CNPY2: variants seen among roughly 807,000 people sequenced by gnomAD.
CNPY2 encodes protein canopy homolog 2.
CNPY2 carries 19 observed loss-of-function variants against 25.5 expected under a neutral mutation model. The ratio of observed to expected loss-of-function variants is 0.74; its 90% CI spans 0.52 to 1.09. CNPY2 has a LOEUF of 1.09. Among genes scored for constraint, CNPY2 ranks in the 50% least tolerant of loss-of-function variants. The pLI, the probability that CNPY2 is intolerant of heterozygous loss-of-function variation, is 0.00. For missense variants in CNPY2, 214 were observed against 233.6 expected, an observed-to-expected ratio of 0.92 and a Z score of 0.55; for synonymous variants, 82 against 85.0, an observed-to-expected ratio of 0.96 and a Z score of 0.19.
intron 3 of CNPY2, chr12:56,314,586 C>A: frequency 7.5e-7 from 1 of 1,334,682 alleles, no homozygotes; most frequent in African/African-American, 1.5e-5. Flanking sequence ...ACATTAAAAA[C>A]CAGTCATGTG....
Position 56,311,291 on chromosome 12 carries a change from C to T in CNPY2, c.328G>A (p.Gly110Ser), listed in dbSNP as rs1336911997. The part of the protein sequence containing the change: ...THRKNYVRVV[G>S]RNGESSELDL... Reference sequence around the variant, plus strand: ...AGTTCACTGGATTCTCCATTCCGGCCCACTACACGTACGTAGTTCTTGCGA... The same window carrying T: ...AGTTCACTGGATTCTCCATTCCGGCTCACTACACGTACGTAGTTCTTGCGA... The change falls in exon 4 of 6, where the codon GGC (glycine) becomes AGC (serine). Residue 110 changes from glycine to serine, a missense_variant. By Grantham distance (56) the Gly-to-Ser change is moderately conservative. Coordinates refer to ENST00000273308, the MANE Select transcript of CNPY2 (RefSeq NM_014255.7). 1 of 1,614,124 alleles carries T rather than the reference C, an allele frequency of 6.2e-7. No homozygotes were observed. The highest frequency in any genetic ancestry group is 1.7e-5 in the Admixed American group (1 of 60,014).
chr12:56,315,151 T>G lies in CNPY2; in HGVS notation c.67A>C (p.Ser23Arg). The stretch of plus-strand genomic sequence containing the variant: ...TTACCTCCACAGTGGAGATCCTGGC[T>G]CCTCCGAGCCCAGGCGGTTCCCAGC... ...ALLGTAWARR[S>R]QDLHCGACRA... Residue 23 changes from serine (S) to arginine (R), a missense_variant, in exon 2 of 6, where the codon AGC (serine) becomes CGC (arginine). By Grantham distance (110) the Ser-to-Arg change is moderately radical. Transcript: ENST00000273308. The G allele has an allele frequency of 1.2e-6, 2 of 1,614,042 alleles. No homozygotes were observed.
Position 56,311,251 on chromosome 12 carries a change from A to G in CNPY2, c.368T>C (p.Ile123Thr), listed in dbSNP as rs201509620. 5.1e-5 allele frequency: 82 copies of G among 1,614,168 alleles called. 1 individual carries two copies. The East Asian group carries it at 1.8e-3, about 36-fold the overall frequency. Residue 123 changes from isoleucine to threonine, a missense_variant, in exon 4 of 6, where the codon ATC becomes ACC. Transcript: ENST00000273308. ...GESSELDLQGIRIDSDISGTL... is the reference protein window; with the variant it reads ...GESSELDLQGTRIDSDISGTL... ...GCCGCTAATATCTGAGTCGATTCGG[A>G]TGCCTTGTAGGTCCAGTTCACTGGA...
At position 56,310,355 on chromosome 12, in the gene CNPY2, C is replaced by T; in HGVS notation, c.*197G>A. On this transcript the variant is annotated 3_prime_UTR_variant, in exon 6 of 6. Coordinates refer to ENST00000273308, the MANE Select transcript of CNPY2 (RefSeq NM_014255.7). ...AAAACTCTTCTTTCTCCTCCATTAT[C>T]TTTCCTGTCTATATAACTCCTTATC... The T allele has an allele frequency of 1.6e-6, 1 of 614,690 alleles. No homozygotes were observed. The highest frequency in any genetic ancestry group is 2.0e-5 in the South Asian group (1 of 49,750). 38.1% of individuals were successfully genotyped at this position (614,690 alleles called of 1,614,324 possible).
In CNPY2 at chr12:56,309,861, T is replaced by C; in HGVS notation, c.*691A>G. On this transcript the variant is annotated 3_prime_UTR_variant, in exon 6 of 6. Transcript: ENST00000273308. The stretch of plus-strand genomic sequence containing the variant: ...ACAATGGCTAGTGATAGATACACTT[T>C]ATTGTTGCCACTGGCATCAAATTTA... The C allele has an allele frequency of 4.3e-6, 3 of 701,210 alleles. No individual in the cohort carries two copies. The highest frequency in any genetic ancestry group is 7.8e-6 in the Non-Finnish European group (3 of 384,342). 43.4% of individuals were successfully genotyped at this position (701,210 alleles called of 1,614,324 possible). A position where few individuals can be genotyped will look rare whatever the true frequency, so the allele number is the denominator to read the frequency against.
intron 3 of CNPY2, 36 bp downstream of exon 3, chr12:56,314,814 AG>A: frequency 6.2e-7 from 1 of 1,614,224 alleles, no homozygotes. Flanking sequence ...CCAAAGCCAG[AG>A]TGAGCTACTT....
chr12:56,314,198 T>C (rs564527525), intron 3 of CNPY2, among the ~76,000 whole-genome samples: 2 of 151,920 alleles, frequency 1.3e-5, no homozygotes, highest in Non-Finnish European at 2.9e-5. Flanking sequence ...TGAGACAGGG[T>C]CTTGCTGTGT....
In CNPY2 at chr12:56,311,300, G is replaced by T; in HGVS notation, c.319C>A (p.Arg107Ser). The T allele has an allele frequency of 6.2e-7, 1 of 1,614,100 alleles. No individual in the cohort carries two copies. Among genetic ancestry groups the T allele is most frequent in the Non-Finnish European group, 8.5e-7 (1 of 1,180,004 alleles). Residue 107 changes from arginine (R) to serine (S), a missense_variant, in exon 4 of 6, where the codon CGT (arginine) becomes AGT (serine). Coordinates refer to ENST00000273308, the MANE Select transcript of CNPY2 (RefSeq NM_014255.7). ...GATTCTCCATTCCGGCCCACTACAC[G>T]TACGTAGTTCTTGCGATGGGTGGAA... ...DPSTHRKNYV[R>S]VVGRNGESSE...
intron 3 of CNPY2, 117 bp from the exon 4 acceptor site, chr12:56,311,531 A>C: frequency 1.0e-6 from 1 of 995,618 alleles, no homozygotes; most frequent in Non-Finnish European, 1.6e-6. Flanking sequence ...GCTTTCCCTA[A>C]TTGATTTTAA....
At position 56,311,178 on chromosome 12, in the gene CNPY2, T is replaced by G. The variant is rs370461581; in HGVS notation, c.408+33A>C. On this transcript the variant is annotated intron_variant, in intron 4 of 5. Coordinates refer to ENST00000273308, the MANE Select transcript of CNPY2 (RefSeq NM_014255.7). ...TTGGTTCTCCAACAACCCCTTAATG[T>G]CCAAGAACCAGCTACCGATTCCCAT... 4.0e-5 allele frequency: 65 copies of G among 1,612,192 alleles called. No individual in the cohort carries two copies. The African/African-American group carries it at 7.2e-4, about 18-fold the overall frequency.
At position 56,310,092 on chromosome 12, in the gene CNPY2, CTTACT is replaced by C; in HGVS notation, c.*455_*459del. ...TATTTCCTTCAAGACCAAGCCCTGT[CTTACT>C]TTATGTTTCAACAGCCATGAACACA... On this transcript the variant is annotated 3_prime_UTR_variant, in exon 6 of 6. Transcript: ENST00000273308. 1 of 661,156 alleles carries C rather than the reference CTTACT, an allele frequency of 1.5e-6. No homozygotes were observed. Among genetic ancestry groups the C allele is most frequent in the African/African-American group, 1.8e-5 (1 of 55,952 alleles). The allele number at this position is 661,156 out of a possible 1,614,324, so 41.0% of individuals were successfully genotyped here. A position where few individuals can be genotyped will look rare whatever the true frequency, so the allele number is the denominator to read the frequency against.
At chr12:56,315,356 T>C (rs533045625) in intron 1 of CNPY2, 114 bp from the exon 2 acceptor site, 18 of 637,402 alleles carry the variant, frequency 2.8e-5, no homozygotes, top group East Asian at 1.9e-4. Flanking sequence ...CTGGCTCTAC[T>C]TTCCAGGAAA....
chr12:56,311,736 G>A, intron 3 of CNPY2: 1 of 367,196 alleles, frequency 2.7e-6, no homozygotes, highest in South Asian at 2.2e-5. Context: ...ATTTTTAGTA[G>A]AGATGGGGTT....
In CNPY2 at chr12:56,315,252, A is replaced by G; in HGVS notation, c.-25-10T>C. 1 of 1,541,034 alleles carries G rather than the reference A, an allele frequency of 6.5e-7. No individual in the cohort carries two copies. The highest frequency in any genetic ancestry group is 1.4e-5 in the African/African-American group (1 of 73,260). On this transcript the variant is annotated splice_polypyrimidine_tract_variant and intron_variant, in intron 1 of 5. Transcript: ENST00000273308. ...AATGGGGTCGCTCCACCTGGGTTTG[A>G]GTGGGAATAAAACATAAGTGTGAGG...
intron 1 of CNPY2, 89 bp from the exon 2 acceptor site, chr12:56,315,331 G>T (rs144361173): frequency 3.6e-5 from 26 of 713,190 alleles, no homozygotes; most frequent in African/African-American, 3.0e-4. Context: ...GGCTTTCAAA[G>T]GCCTCATTGT....
chr12:56,310,655 CA>C, intron 5 of CNPY2, 60 bp from the exon 6 acceptor site: 1 of 1,577,870 alleles, frequency 6.3e-7, no homozygotes, highest in South Asian at 1.1e-5. Context: ...CTGCCAGTAT[CA>C]AGAAAATTTC....
chr12:56,314,532 C>T (rs1030377223), intron 3 of CNPY2: 8 of 1,168,126 alleles, frequency 6.8e-6, no homozygotes, highest in African/African-American at 4.7e-5. Flanking sequence ...TTTTTAGCTC[C>T]GACTCAGATT....
intron 2 of CNPY2, 62 bp from the exon 3 acceptor site, chr12:56,315,028 G>A (rs1040935998): frequency 6.2e-7 from 1 of 1,601,380 alleles, no homozygotes; most frequent in Non-Finnish European, 8.6e-7. Context: ...TGAGGAGAAT[G>A]GGATCAACCC....
At chr12:56,315,068 T>G (rs753245388) in intron 2 of CNPY2, 62 bp downstream of exon 2, 4 of 1,600,242 alleles carry the variant, frequency 2.5e-6, no homozygotes, top group Admixed American at 3.3e-5. Flanking sequence ...CTCCCAGGCC[T>G]TGGATCTCAT....
Sources: gnomAD v4.1 joint callset for allele counts (sites outside exome capture counted in the v4.1 genomes callset) on GRCh38, gnomAD v4.1.1 for gene constraint, MANE v1.5 for transcripts, NCBI Gene and HGNC (gene_info 2026-07-23, HGNC 2026-07-21) for gene names.